PHLDB2: variants seen among roughly 807,000 people sequenced by gnomAD.
PHLDB2 encodes the protein pleckstrin homology like domain family B member 2, also known as pleckstrin homology-like domain family B member 2.
In PHLDB2, 71 loss-of-function variants were observed where a neutral mutation model predicts 123.6. The observed-to-expected ratio is 0.57, with a 90% CI of 0.47 to 0.70. PHLDB2 has a LOEUF of 0.70. Ranked by LOEUF, PHLDB2 falls within the 30% of genes least tolerant of loss-of-function variation. The probability of loss-of-function intolerance (pLI) is 0.00; values close to 1 mark genes in which losing one functional copy is unlikely to be tolerated. For synonymous variants in PHLDB2, 547 were observed against 541.6 expected, an observed-to-expected ratio of 1.01 and a Z score of -0.14; for missense variants, 1,446 against 1,519.5, an observed-to-expected ratio of 0.95 and a Z score of 0.80.
chr3:111,974,338 T>G, intron 17 of PHLDB2, 85 bp from the exon 18 acceptor site: 1 of 1,254,644 alleles, frequency 8.0e-7, no homozygotes, highest in Non-Finnish European at 1.1e-6. Context: ...TTGAAAATTT[T>G]GAAGAAGTCA....
upstream of PHLDB2, among the ~76,000 whole-genome samples, chr3:111,857,474 A>AG (rs1283277019): frequency 8.9e-5 from 8 of 89,430 alleles, no homozygotes; most frequent in Non-Finnish European, 2.2e-4. Context: ...AGAAAAGAAA[A>AG]GAAAAAAAAA....
chr3:111,900,192 C>G (rs531164639), intron 2 of PHLDB2, among the ~76,000 whole-genome samples: 13 of 152,232 alleles, frequency 8.5e-5, no homozygotes, highest in Non-Finnish European at 1.9e-4. Context: ...CTAAAACTTT[C>G]TTTACATCAG....
intron 1 of PHLDB2, among the ~76,000 whole-genome samples, chr3:111,797,302 A>T (rs1266357768): frequency 1.3e-5 from 2 of 152,246 alleles, no homozygotes; most frequent in Admixed American, 1.3e-4. Context: ...TAACAAATGA[A>T]AAAGAAAGAT....
intron 12 of PHLDB2, 99 bp from the exon 13 acceptor site, chr3:111,962,009 T>C (rs2071438138): frequency 1.8e-6 from 2 of 1,121,388 alleles, no homozygotes; most frequent in African/African-American, 1.6e-5. Context: ...CCAAGCTTCA[T>C]AGGCAGATGT....
rs149013518 is a variant in PHLDB2, at chr3:111,775,294, C to T, written c.-49+42591C>T. Among the ~76,000 whole-genome samples, 285 of 152,212 alleles carry T rather than the reference C, an allele frequency of 1.9e-3. 1 individual carries two copies. The highest frequency in any genetic ancestry group is 6.5e-3 in the African/African-American group (269 of 41,556). On this transcript the variant is annotated intron_variant, in intron 1 of 17. Transcript: ENST00000393923. Reference sequence around the variant, plus strand: ...GTCCACACCCTTAGAAAACAAACATCGAGAACCCAGGTCTAATCTATTCAG... The same window carrying T: ...GTCCACACCCTTAGAAAACAAACATTGAGAACCCAGGTCTAATCTATTCAG...
At chr3:111,783,453 GA>G (rs1373349955) in intron 1 of PHLDB2, among the ~76,000 whole-genome samples, 1 of 151,776 alleles carries the variant, frequency 6.6e-6, no homozygotes. Context: ...TAAAATAATT[GA>G]AAAAACACTA....
At chr3:111,796,291 GAAAC>G (rs1481577822) in intron 1 of PHLDB2, among the ~76,000 whole-genome samples, 1 of 152,166 alleles carries the variant, frequency 6.6e-6, no homozygotes, top group Non-Finnish European at 1.5e-5. Flanking sequence ...AACCTAAAAA[GAAAC>G]AAACAAAATA....
exon 2 of PHLDB2, chr3:111,845,935 G>A (rs1421498942): frequency 5.6e-6 from 9 of 1,613,334 alleles, no homozygotes; most frequent in Non-Finnish European, 7.6e-6. Flanking sequence ...GCAACATTTC[G>A]GTGAGAACTT....
intron 13 of PHLDB2, 89 bp from the exon 14 acceptor site, chr3:111,966,524 T>TG (rs766446456): frequency 4.0e-6 from 2 of 501,550 alleles, no homozygotes; most frequent in Admixed American, 3.5e-5. Flanking sequence ...TGTGTGTGTC[T>TG]GGGGTGTGTG....
At chr3:111,961,902 AG>A in intron 12 of PHLDB2, 1 of 553,004 alleles carries the variant, frequency 1.8e-6, no homozygotes, top group Non-Finnish European at 3.1e-6. Context: ...CTGAGGGGTA[AG>A]AGACTCAGCA....
exon 1 of PHLDB2, chr3:111,732,666 G>A (rs1288595674): frequency 1.3e-6 from 2 of 1,535,886 alleles, no homozygotes; most frequent in South Asian, 2.4e-5. Context: ...CAGGAAAGAA[G>A]CTGAGGGAAG....
At chr3:111,775,155 A>G (rs1465420916) in intron 1 of PHLDB2, among the ~76,000 whole-genome samples, 6 of 152,164 alleles carry the variant, frequency 3.9e-5, no homozygotes, top group African/African-American at 1.4e-4. Context: ...GTCATCCTCC[A>G]AACAACCTTA....
chr3:111,935,544 A>AGAT (rs1438561532), intron 6 of PHLDB2, among the ~76,000 whole-genome samples: 1 of 96,454 alleles, frequency 1.0e-5, no homozygotes, highest in Non-Finnish European at 2.2e-5. Flanking sequence ...GATAGATAGA[A>AGAT]GGGGAGTTCA....
chr3:111,776,866 A>C (rs765727988), intron 1 of PHLDB2, among the ~76,000 whole-genome samples: 1 of 152,198 alleles, frequency 6.6e-6, no homozygotes, highest in Non-Finnish European at 1.5e-5. Flanking sequence ...CTGTCCAAAG[A>C]TGCTTAAGCT....
chr3:111,817,197 G>A lies in PHLDB2; in HGVS notation c.-48-28624G>A, dbSNP rs2062121471. 2.0e-5 allele frequency among the ~76,000 whole-genome samples: 3 copies of A among 152,144 alleles called. No homozygotes were observed. The South Asian group carries it at 6.2e-4, about 32-fold the overall frequency. On this transcript the variant is annotated intron_variant, in intron 1 of 17. Coordinates refer to the PHLDB2 transcript ENST00000393923. ...GCGATTACCAGAAGAACAGCACCGA[G>A]CTATTCATGAGGGATCCACCCACTA...
chr3:111,832,233 CTT>C (rs1218238142), intron 1 of PHLDB2, among the ~76,000 whole-genome samples: 6 of 152,242 alleles, frequency 3.9e-5, no homozygotes, highest in African/African-American at 1.4e-4. Context: ...ATCTACATCT[CTT>C]TTTCTTTTTA....
intron 1 of PHLDB2, among the ~76,000 whole-genome samples, chr3:111,882,644 G>A (rs967636866): frequency 2.0e-5 from 3 of 152,200 alleles, no homozygotes; most frequent in Non-Finnish European, 4.4e-5. Context: ...AGGAGCCCAA[G>A]GCACCTTTAT....
chr3:111,857,475 G>GA (rs71131986), upstream of PHLDB2, among the ~76,000 whole-genome samples: 4 of 42,254 alleles, frequency 9.5e-5, no homozygotes, highest in African/African-American at 2.3e-4. Flanking sequence ...GAAAAGAAAA[G>GA]AAAAAAAAAT....
intron 1 of PHLDB2, among the ~76,000 whole-genome samples, chr3:111,810,645 G>A (rs905741698): frequency 2.6e-5 from 4 of 152,098 alleles, no homozygotes; most frequent in African/African-American, 9.7e-5. Context: ...CAGTCATATT[G>A]AGGGTTAGGG....
Sources: allele counts gnomAD v4.1 joint callset (sites outside exome capture counted in the v4.1 genomes callset), GRCh38; gene constraint gnomAD v4.1.1; transcripts MANE v1.5; gene names NCBI Gene and HGNC (gene_info 2026-07-23, HGNC 2026-07-21).